The following AKAP11 variants were observed in gnomAD, a reference collection of about 807,000 sequenced individuals.
The protein encoded by AKAP11 is A-kinase anchoring protein 11.
AKAP11 carries 36 observed loss-of-function variants against 146.1 expected under a neutral mutation model. That is an observed-to-expected ratio of 0.25 (90% CI 0.19 to 0.33). The LOEUF is 0.33. Ranked by LOEUF, AKAP11 falls within the 10% of genes least tolerant of loss-of-function variation. The pLI is 1.00. For synonymous variants in AKAP11, 780 were observed against 786.5 expected, an observed-to-expected ratio of 0.99 and a Z score of 0.14; for missense variants, 2,201 against 2,197.0, an observed-to-expected ratio of 1.00 and a Z score of -0.04.
chr13:42,292,680 T>A (rs1345872794), intron 4 of AKAP11, among the ~76,000 whole-genome samples, 179 bp downstream of exon 4: 1 of 152,234 alleles, frequency 6.6e-6, no homozygotes, highest in Non-Finnish European at 1.5e-5. Flanking sequence ...CTGTTTTAAA[T>A]ACTGGCTAAA....
Position 42,299,771 on chromosome 13 carries a change from A to G in AKAP11, c.1025A>G (p.Lys342Arg). ...KLELPKIPVM[K>R]DDIEDSDSEV... ...GAGCTGCCTAAAATTCCTGTGATGA[A>G]AGATGATATAGAGGATTCAGACTCA... The change falls in exon 8 of 13, where the codon AAA (lysine) becomes AGA (arginine). Residue 342 changes from lysine to arginine, a missense_variant. Coordinates refer to ENST00000025301, the MANE Select transcript of AKAP11 (RefSeq NM_016248.4). The G allele has an allele frequency of 6.2e-7, 1 of 1,613,960 alleles. No individual in the cohort carries two copies. Among genetic ancestry groups the G allele is most frequent in the Non-Finnish European group, 8.5e-7 (1 of 1,179,900 alleles).
At chr13:42,314,311 G>C (rs1381653678) in intron 11 of AKAP11, among the ~76,000 whole-genome samples, 1 of 151,964 alleles carries the variant, frequency 6.6e-6, no homozygotes, top group Non-Finnish European at 1.5e-5. Context: ...TGGGCGTGGT[G>C]GCGGGCACCT....
rs1594370348 is a variant in AKAP11 at position 42,321,659 on chromosome 13, T to G, written c.*2431T>G. 1 of 152,440 alleles carries G rather than the reference T, an allele frequency of 6.6e-6. No individual in the cohort carries two copies. The highest frequency in any genetic ancestry group is 1.9e-4 in the East Asian group (1 of 5,334). 9.4% of individuals were successfully genotyped at this position (152,440 alleles called of 1,614,324 possible). A position where few individuals can be genotyped will look rare whatever the true frequency, so the allele number is the denominator to read the frequency against. On this transcript the variant is annotated 3_prime_UTR_variant, in exon 13 of 13. Coordinates refer to ENST00000025301, the MANE Select transcript of AKAP11 (RefSeq NM_016248.4). ...TAAACTTAACTTTCTGTAAAGGCAC[T>G]TTGTGGTTTTTCCAAAGATGTTCTA...
intron 8 of AKAP11, among the ~76,000 whole-genome samples, chr13:42,304,141 A>AT: frequency 6.6e-6 from 1 of 152,238 alleles, no homozygotes; most frequent in Non-Finnish European, 1.5e-5. Context: ...GAGCTATGAA[A>AT]TAGGTAAAGT....
rs368334612 is a variant in AKAP11 at position 42,299,460 on chromosome 13, C to T, written c.714C>T (p.Ser238=). The change falls in exon 8 of 13, where the codon AGC becomes AGT. Residue 238 remains serine, a synonymous_variant. Coordinates refer to ENST00000025301, the MANE Select transcript of AKAP11 (RefSeq NM_016248.4). The part of the protein sequence containing the change: ...LETHDLKILI[S]SGQQKSLAKP... Reference sequence around the variant, plus strand: ...CCCATGATTTAAAGATTCTCATTAGCTCTGGACAGCAGAAGTCATTGGCTA... The same window carrying T: ...CCCATGATTTAAAGATTCTCATTAGTTCTGGACAGCAGAAGTCATTGGCTA... The T allele has an allele frequency of 1.4e-5, 22 of 1,613,766 alleles. No individual in the cohort carries two copies. The highest frequency in any genetic ancestry group is 5.0e-5 in the Admixed American group (3 of 59,964).
rs1299024523 is a variant in AKAP11 at position 42,302,000 on chromosome 13, T to C, written c.3254T>C (p.Val1085Ala). The C allele has an allele frequency of 6.2e-7, 1 of 1,613,726 alleles. No homozygotes were observed. The highest frequency in any genetic ancestry group is 2.2e-5 in the East Asian group (1 of 44,850). Reference sequence around the variant, plus strand: ...CTTACCTGTGTAGATGGTTTGCATGTGGAAGATAAACAGAAAGTCAGAGAC... The same window carrying C: ...CTTACCTGTGTAGATGGTTTGCATGCGGAAGATAAACAGAAAGTCAGAGAC... Reference protein sequence around the residue: ...TALTCVDGLHVEDKQKVRDRN... With the variant: ...TALTCVDGLHAEDKQKVRDRN... The change falls in exon 8 of 13, where the codon GTG becomes GCG. Residue 1085 changes from valine to alanine, a missense_variant. By Grantham distance (64) the Val-to-Ala change is moderately conservative (BLOSUM62 0). This residue lies in a region of AKAP11 where 1,867 missense variants were observed against 1,833.5 expected (regional missense o/e 1.02). Transcript: ENST00000025301.
At position 42,321,164 on chromosome 13, in the gene AKAP11, A is replaced by G. The variant is rs959907595; in HGVS notation, c.*1936A>G. The G allele has an allele frequency of 4.6e-5, 7 of 152,360 alleles. No homozygotes were observed. Among genetic ancestry groups the G allele is most frequent in the Admixed American group, 4.6e-4 (7 of 15,282 alleles). The allele number at this position is 152,360 out of a possible 1,614,324, so 9.4% of individuals were successfully genotyped here. A position where few individuals can be genotyped will look rare whatever the true frequency, so the allele number is the denominator to read the frequency against. ...AAGTTTAGAATGCATTTTTACAAGT[A>G]TCTAACTATCAAATTGTGTTTAGTA... On this transcript the variant is annotated 3_prime_UTR_variant, in exon 13 of 13. Transcript: ENST00000025301.
In AKAP11 at chr13:42,286,393, C is replaced by T. The variant is rs1566259681; in HGVS notation, c.45C>T (p.Val15=). 4 of 1,596,842 alleles carry T rather than the reference C, an allele frequency of 2.5e-6. No individual in the cohort carries two copies. The highest frequency in any genetic ancestry group is 3.4e-6 in the Non-Finnish European group (4 of 1,173,226). The part of the protein sequence containing the change: ...RNNHMKTKAS[V]RKSFSEDVFQ... ...ATCACATGAAGACTAAAGCATCTGT[C>T]AGAAAAGTAAGTTCACTCTATTAGG... Residue 15 remains valine (V), a synonymous_variant, in exon 3 of 13, where the codon GTC becomes GTT. Coordinates refer to ENST00000025301, the MANE Select transcript of AKAP11 (RefSeq NM_016248.4).
chr13:42,297,385 A>G (rs567288469), intron 6 of AKAP11, among the ~76,000 whole-genome samples: 26 of 152,052 alleles, frequency 1.7e-4, no homozygotes, highest in South Asian at 1.2e-3. Flanking sequence ...CTTATAAATT[A>G]TATTTTTTAA....
chr13:42,308,669 A>G, intron 9 of AKAP11, 60 bp downstream of exon 9: 1 of 1,267,866 alleles, frequency 7.9e-7, no homozygotes, highest in Non-Finnish European at 1.1e-6. Context: ...GAAGTGAGCT[A>G]TAAATTTACA....
intron 10 of AKAP11, 37 bp from the exon 11 acceptor site, chr13:42,313,857 T>A: frequency 1.3e-6 from 2 of 1,561,512 alleles, no homozygotes; most frequent in South Asian, 2.3e-5. Flanking sequence ...ATTAATTAAA[T>A]TTTTTTTGTA....
At chr13:42,282,747 G>A (rs1959091047) in intron 1 of AKAP11, among the ~76,000 whole-genome samples, 1 of 152,072 alleles carries the variant, frequency 6.6e-6, no homozygotes, top group Admixed American at 6.6e-5. Context: ...TGTTTCCTGA[G>A]CTATAGTGGT....
chr13:42,301,962 C>G lies in AKAP11; in HGVS notation c.3216C>G (p.Phe1072Leu), dbSNP rs779199241. The change falls in exon 8 of 13, where the codon TTC (phenylalanine) becomes TTG (leucine). Residue 1072 changes from phenylalanine to leucine, a missense_variant. Transcript: ENST00000025301. ...ACCCCTTTCCTCATTCACATACTTT[C>G]TCATCTACAGCACTTACCTGTGTAG... ...QENPFPHSHT[F>L]SSTALTCVDG... 2.5e-6 allele frequency: 4 copies of G among 1,614,138 alleles called. No individual in the cohort carries two copies. The highest frequency in any genetic ancestry group is 3.4e-6 in the Non-Finnish European group (4 of 1,179,998).
intron 10 of AKAP11, 129 bp downstream of exon 10, chr13:42,313,259 G>A: frequency 1.6e-6 from 1 of 642,930 alleles, no homozygotes; most frequent in Non-Finnish European, 2.5e-6. Context: ...ATTTTGACAT[G>A]ATTCTGCTTG....
At chr13:42,283,474 A>G (rs536807566) in intron 1 of AKAP11, among the ~76,000 whole-genome samples, 251 of 152,258 alleles carry the variant, frequency 1.6e-3, no homozygotes, top group African/African-American at 5.7e-3. Context: ...TTATTATTCA[A>G]TCTTGAATAA....
intron 9 of AKAP11, among the ~76,000 whole-genome samples, chr13:42,310,239 G>C (rs1215879870): frequency 6.6e-6 from 1 of 152,178 alleles, no homozygotes; most frequent in African/African-American, 2.4e-5. Context: ...ATTGACCAAA[G>C]TTGTAATGTG....
In AKAP11 at chr13:42,302,590, C is replaced by A; in HGVS notation, c.3844C>A (p.Leu1282Ile). The A allele has an allele frequency of 6.2e-7, 1 of 1,614,082 alleles. No individual in the cohort carries two copies. The highest frequency in any genetic ancestry group is 8.5e-7 in the Non-Finnish European group (1 of 1,179,998). The change falls in exon 8 of 13, where the codon CTT becomes ATT. Residue 1282 changes from leucine (L) to isoleucine (I), a missense_variant. Coordinates refer to ENST00000025301, the MANE Select transcript of AKAP11 (RefSeq NM_016248.4). ...EKIAKVRNCM[L>I]FKQKKNSCYA... ...AATAGCAAAAGTCCGAAATTGTATG[C>A]TTTTCAAGCAAAAGAAGAACAGTTG...
chr13:42,313,079 G>A lies in AKAP11; in HGVS notation c.5306G>A (p.Gly1769Asp). 1 of 1,613,538 alleles carries A rather than the reference G, an allele frequency of 6.2e-7. No homozygotes were observed. The highest frequency in any genetic ancestry group is 8.5e-7 in the Non-Finnish European group (1 of 1,179,828). ...NGNSSSWSSL[G>D]LEGDLYEDNL... ...AACAGCAGTAGCTGGAGCAGTCTTG[G>A]TTTAGAAGGAGATTTGTATGAGGAC... The change falls in exon 10 of 13, where the codon GGT becomes GAT. Residue 1769 changes from glycine to aspartate, a missense_variant. Gly to Asp is a moderately conservative substitution (Grantham distance 94). This residue lies in a region of AKAP11 where 1,867 missense variants were observed against 1,833.5 expected (regional missense o/e 1.02). Transcript: ENST00000025301.
At position 42,299,124 on chromosome 13, in the gene AKAP11, G is replaced by A. The variant is rs1039838356; in HGVS notation, c.617-239G>A. On this transcript the variant is annotated intron_variant, in intron 7 of 12. Coordinates refer to ENST00000025301, the MANE Select transcript of AKAP11 (RefSeq NM_016248.4). ...CTCCACGGTAATTTTTCTAACATGC[G>A]TGACAGCATGCAAAACATCCCATAG... 1.7e-4 allele frequency among the ~76,000 whole-genome samples: 26 copies of A among 152,066 alleles called. No homozygotes were observed. The East Asian group carries it at 3.1e-3, about 18-fold the overall frequency.
Sources: gnomAD v4.1 joint callset for allele counts (sites outside exome capture counted in the v4.1 genomes callset) on GRCh38, gnomAD v4.1.1 for gene constraint, gnomAD v4.1.1 regional missense constraint, MANE v1.5 for transcripts, NCBI Gene and HGNC (gene_info 2026-07-23, HGNC 2026-07-21) for gene names.